The following STIL variants were observed in gnomAD, a reference collection of about 807,000 sequenced individuals.
STIL encodes the protein SCL-interrupting locus protein.
Under a neutral mutation model 110.1 loss-of-function variants are expected in STIL, and 55 were observed. That is an observed-to-expected ratio of 0.50 (90% CI 0.40 to 0.63). The LOEUF is 0.63. Ranked by LOEUF, STIL falls within the 20% of genes least tolerant of loss-of-function variation. The pLI, the probability that STIL is intolerant of heterozygous loss-of-function variation, is 0.00. For missense variants in STIL, 1,358 were observed against 1,530.0 expected, an observed-to-expected ratio of 0.89 and a Z score of 1.87; for synonymous variants, 481 against 530.0, an observed-to-expected ratio of 0.91 and a Z score of 1.27.
At chr1:47,254,132 G>A (rs1289671198) in intron 16 of STIL, among the ~76,000 whole-genome samples, 3 of 128,006 alleles carry the variant, frequency 2.3e-5, no homozygotes, top group African/African-American at 8.6e-5. Flanking sequence ...AGTGAGCCGA[G>A]ATTGCGTCAC....
intron 8 of STIL, among the ~76,000 whole-genome samples, chr1:47,290,702 C>CAAAAAA (rs546994585): frequency 1.3e-5 from 1 of 75,866 alleles, no homozygotes; most frequent in African/African-American, 5.0e-5. Flanking sequence ...GACTCCGTCT[C>CAAAAAA]AAAAAAAAAA....
Position 47,265,169 on chromosome 1 carries a change from GA to G in STIL, c.2616-2054del, listed in dbSNP as rs534138235. ...AAGGATCTCCGGAACCCAGGAGGTG[GA>G]GGTTGCAGTGAACCAAGATCACACC... On this transcript the variant is annotated intron_variant, in intron 14 of 16. Transcript: ENST00000371877. Among the ~76,000 whole-genome samples, 95 of 133,104 alleles carry G rather than the reference GA, an allele frequency of 7.1e-4. 1 individual carries two copies. In the South Asian group the frequency reaches 7.8e-3, roughly 11 times the overall value. The allele number at this position is 133,104 out of a possible 152,430, so 87.3% of individuals were successfully genotyped here.
chr1:47,277,926 G>A (rs546334057), intron 12 of STIL, among the ~76,000 whole-genome samples: 1 of 152,176 alleles, frequency 6.6e-6, no homozygotes, highest in Admixed American at 6.5e-5. Flanking sequence ...TGAAGTCAAT[G>A]AGGTAAGGTA....
intron 12 of STIL, among the ~76,000 whole-genome samples, chr1:47,275,543 G>A (rs1644967676): frequency 6.6e-6 from 1 of 152,098 alleles, no homozygotes; most frequent in African/African-American, 2.4e-5. Flanking sequence ...GGGAGGCAGA[G>A]CTTGCAGTGA....
chr1:47,258,606 C>A (rs1467196569), intron 16 of STIL, among the ~76,000 whole-genome samples: 1 of 152,068 alleles, frequency 6.6e-6, no homozygotes, highest in Non-Finnish European at 1.5e-5. Flanking sequence ...CAGTGGCTCA[C>A]GGCTGTAATC....
Position 47,251,135 on chromosome 1 carries a change from G to T in STIL, c.*1C>A, listed in dbSNP as rs1167445856. On this transcript the variant is annotated 3_prime_UTR_variant, in exon 17 of 17. Coordinates refer to ENST00000371877, the MANE Select transcript of STIL (RefSeq NM_001048166.1). Reference sequence around the variant, plus strand: ...TATTAAAAGGGCAGGGAGTTAAAAGGTTAAAATAATTTTGGTAACTGTCTG... The same window carrying T: ...TATTAAAAGGGCAGGGAGTTAAAAGTTTAAAATAATTTTGGTAACTGTCTG... 10 of 1,613,652 alleles carry T rather than the reference G, an allele frequency of 6.2e-6. No homozygotes were observed. The highest frequency in any genetic ancestry group is 8.5e-6 in the Non-Finnish European group (10 of 1,179,880).
chr1:47,260,319 T>C lies in STIL; in HGVS notation c.3050A>G (p.Lys1017Arg), dbSNP rs1272927199. 6.8e-6 allele frequency: 11 copies of C among 1,614,040 alleles called. No individual in the cohort carries two copies. Among genetic ancestry groups the C allele is most frequent in the African/African-American group, 1.3e-5 (1 of 74,950 alleles). Residue 1017 changes from lysine (K) to arginine (R), a missense_variant, in exon 16 of 17, where the codon AAG (lysine) becomes AGG (arginine). By Grantham distance (26) the Lys-to-Arg change is conservative. Coordinates refer to ENST00000371877, the MANE Select transcript of STIL (RefSeq NM_001048166.1). ...GVKIDSPTKV[K>R]KNAHNVDHAS... ...GTGATCCACGTTATGTGCATTTTTC[T>C]TCACTTTAGTGGGAGAATCAATTTT...
chr1:47,279,250 T>A (rs751937910), intron 12 of STIL, among the ~76,000 whole-genome samples: 9 of 141,792 alleles, frequency 6.3e-5, no homozygotes, highest in South Asian at 4.4e-4. Context: ...GGCACTGCAC[T>A]CCAGCCTGGG....
chr1:47,293,479 A>T lies in STIL; in HGVS notation c.851T>A (p.Phe284Tyr). Residue 284 changes from phenylalanine (F) to tyrosine (Y), a missense_variant, in exon 8 of 17, where the codon TTC (phenylalanine) becomes TAC (tyrosine). Transcript: ENST00000371877. ...TTGCCTTTCTTGAACAGAAGAATTG[A>T]ATATGTATCGCAAACAGCAAGCCCA... ...QVWACCLRYIFNSSVQERVFS... is the reference protein window; with the variant it reads ...QVWACCLRYIYNSSVQERVFS... 1 of 1,613,310 alleles carries T rather than the reference A, an allele frequency of 6.2e-7. No individual in the cohort carries two copies. Among genetic ancestry groups the T allele is most frequent in the Non-Finnish European group, 8.5e-7 (1 of 1,179,474 alleles).
At chr1:47,285,396 T>G (rs1392648144) in intron 10 of STIL, among the ~76,000 whole-genome samples, 1 of 152,182 alleles carries the variant, frequency 6.6e-6, no homozygotes, top group Non-Finnish European at 1.5e-5. Flanking sequence ...TTAAAACAAA[T>G]ATCTCTACAT....
chr1:47,297,851 G>A (rs998266008), intron 6 of STIL, among the ~76,000 whole-genome samples: 3 of 152,158 alleles, frequency 2.0e-5, no homozygotes, highest in African/African-American at 7.2e-5. Context: ...TTACCAGCAT[G>A]CCCGCCCAGC....
chr1:47,263,953 A>G (rs1009152813), intron 14 of STIL, among the ~76,000 whole-genome samples: 2 of 151,948 alleles, frequency 1.3e-5, no homozygotes, highest in Non-Finnish European at 1.5e-5. Flanking sequence ...GGGTTTCACC[A>G]TGTTGGCCAG....
Position 47,251,748 on chromosome 1 carries a change from T to G in STIL, c.3255A>C (p.Arg1085=), listed in dbSNP as rs1418555087. Residue 1085 remains arginine (R), a synonymous_variant, in exon 17 of 17, where the codon CGA becomes CGC. Coordinates refer to ENST00000371877, the MANE Select transcript of STIL (RefSeq NM_001048166.1). Reference sequence around the variant, plus strand: ...ATGGGTCACAATTATTTTGGTTCGATCGAGTGACAGACAGTTGTGACAGCT... The same window carrying G: ...ATGGGTCACAATTATTTTGGTTCGAGCGAGTGACAGACAGTTGTGACAGCT... The part of the protein sequence containing the change: ...ENQLSQLSVT[R]SNQNNCDPFS... 2 of 1,614,032 alleles carry G rather than the reference T, an allele frequency of 1.2e-6. No homozygotes were observed.
Position 47,287,547 on chromosome 1 carries a change from T to C in STIL, c.1133+4A>G, listed in dbSNP as rs1239506456. On this transcript the variant is annotated splice_donor_region_variant and intron_variant, in intron 10 of 16. Transcript: ENST00000371877. ...ACACACATAATAACAAAAAGATCTT[T>C]TACCTCTTAATTGAAAAATTCTTGG... The C allele has an allele frequency of 6.3e-7, 1 of 1,596,904 alleles. No individual in the cohort carries two copies. Among genetic ancestry groups the C allele is most frequent in the East Asian group, 2.2e-5 (1 of 44,632 alleles).
chr1:47,286,135 A>C (rs1162419780), intron 10 of STIL, among the ~76,000 whole-genome samples: 1 of 152,012 alleles, frequency 6.6e-6, no homozygotes, highest in East Asian at 1.9e-4. Context: ...TCAGCCTCCC[A>C]AAGTGCTAGG....
intron 15 of STIL, among the ~76,000 whole-genome samples, chr1:47,261,386 T>TA (rs1644480621): frequency 1.3e-5 from 2 of 150,828 alleles, no homozygotes; most frequent in Admixed American, 6.6e-5. Flanking sequence ...AGACTCTGTC[T>TA]AAAAAAAATA....
intron 14 of STIL, among the ~76,000 whole-genome samples, chr1:47,265,414 G>C (rs11211498): frequency 6.6e-6 from 1 of 151,932 alleles, no homozygotes; most frequent in Admixed American, 6.6e-5. Context: ...ATAAACTGCA[G>C]ACCTACTTTG....
At chr1:47,289,084 A>AAAAAAAAAAG (rs1645399793) in intron 9 of STIL, among the ~76,000 whole-genome samples, 1 of 150,764 alleles carries the variant, frequency 6.6e-6, no homozygotes, top group Non-Finnish European at 1.5e-5. Flanking sequence ...AAAAAAAAAA[A>AAAAAAAAAAG]AACATCAGGA....
At chr1:47,295,940 G>T in intron 6 of STIL, 92 bp from the exon 7 acceptor site, 1 of 946,478 alleles carries the variant, frequency 1.1e-6, no homozygotes, top group South Asian at 1.3e-5. Context: ...CTTTAGAAAG[G>T]GGAGATAATT....
Sources: gnomAD v4.1 joint callset for allele counts (sites outside exome capture counted in the v4.1 genomes callset) on GRCh38, gnomAD v4.1.1 for gene constraint, MANE v1.5 for transcripts, NCBI Gene and HGNC (gene_info 2026-07-23, HGNC 2026-07-21) for gene names.